Variants in EGFLAM observed in about 807,000 individuals in gnomAD.
EGFLAM encodes the protein pikachurin.
In EGFLAM, 79 loss-of-function variants were observed where a neutral mutation model predicts 113.1. That is an observed-to-expected ratio of 0.70 (90% CI 0.58 to 0.84). The LOEUF (loss-of-function observed/expected upper bound fraction) is 0.84, where lower values mean the gene tolerates loss of function less well. EGFLAM is among the 40% of genes least tolerant of loss of function. The pLI, the probability that EGFLAM is intolerant of heterozygous loss-of-function variation, is 0.00. For synonymous variants in EGFLAM, 504 were observed against 487.6 expected (o/e 1.03, Z -0.44); for missense variants, 1,265 against 1,291.6 (o/e 0.98, Z 0.32).
chr5:38,427,673 A>C (rs1439836053), intron 14 of EGFLAM, among the ~76,000 whole-genome samples: 1 of 152,232 alleles, frequency 6.6e-6, no homozygotes, highest in Non-Finnish European at 1.5e-5. Flanking sequence ...AGTATTAACA[A>C]ATATTTTTGA....
intron 1 of EGFLAM, among the ~76,000 whole-genome samples, chr5:38,331,965 T>C (rs1461124751): frequency 6.6e-6 from 1 of 152,186 alleles, no homozygotes; most frequent in Non-Finnish European, 1.5e-5. Flanking sequence ...ATGCCAGTGG[T>C]ATGATGAGCA....
chr5:38,403,852 A>G, intron 6 of EGFLAM: 1 of 1,613,916 alleles, frequency 6.2e-7, no homozygotes, highest in Non-Finnish European at 8.5e-7. Flanking sequence ...TGGCACACAG[A>G]TACGCTGCAT....
intron 5 of EGFLAM, among the ~76,000 whole-genome samples, chr5:38,359,924 G>T (rs1739875978): frequency 6.6e-6 from 1 of 152,034 alleles, no homozygotes; most frequent in African/African-American, 2.4e-5. Flanking sequence ...CTTCACACGG[G>T]GCTGCTTCTA....
rs1157466025 is a variant in EGFLAM at position 38,448,557 on chromosome 5, TA to T, written c.2543+182del. On this transcript the variant is annotated intron_variant, in intron 18 of 21. Transcript: ENST00000322350. The stretch of plus-strand genomic sequence containing the variant: ...AATAAACATAGAAACTAGAGCAAAA[TA>T]AAACAAAAAACAAACTAAACTTGAG... 7.0e-5 allele frequency: 45 copies of T among 645,274 alleles called. No homozygotes were observed. The East Asian group carries it at 1.2e-3, about 18-fold the overall frequency. 40.0% of individuals were successfully genotyped at this position (645,274 alleles called of 1,614,324 possible).
chr5:38,438,289 C>A lies in EGFLAM; in HGVS notation c.2298C>A (p.Asp766Glu). The A allele has an allele frequency of 1.2e-6, 2 of 1,613,110 alleles. No homozygotes were observed. The highest frequency in any genetic ancestry group is 2.2e-5 in the South Asian group (2 of 90,806). ...TCTCTCTCAAGATCATCCTGAATGA[C>A]CGAACCATCCATGTGAAGCATGACT... The part of the protein sequence containing the change: ...SGSIQKIILN[D>E]RTIHVKHDFT... Residue 766 changes from aspartate (D) to glutamate (E), a missense_variant, in exon 17 of 22, where the codon GAC becomes GAA. Physicochemically the swap from Asp to Glu is conservative, Grantham distance 45 (BLOSUM62 2). Coordinates refer to ENST00000322350, the MANE Select transcript of EGFLAM (RefSeq NM_152403.4).
chr5:38,268,036 T>C (rs1205965176), intron 1 of EGFLAM, among the ~76,000 whole-genome samples: 1 of 152,186 alleles, frequency 6.6e-6, no homozygotes, highest in African/African-American at 2.4e-5. Flanking sequence ...GCTCCATTCA[T>C]TTCTGTGTTT....
intron 6 of EGFLAM, among the ~76,000 whole-genome samples, chr5:38,389,501 A>G (rs1391394853): frequency 2.0e-5 from 3 of 152,112 alleles, no homozygotes; most frequent in Non-Finnish European, 4.4e-5. Context: ...TTATTTGCCT[A>G]ATTGCTTGTC....
intron 1 of EGFLAM, among the ~76,000 whole-genome samples, chr5:38,264,249 C>T (rs1434060608): frequency 5.3e-5 from 8 of 152,112 alleles, no homozygotes; most frequent in Admixed American, 4.6e-4. Flanking sequence ...CAGGGTCAGT[C>T]GAAGAAGGTC....
rs1205257431 is a variant in EGFLAM at position 38,409,058 on chromosome 5, G to A, written c.1303G>A (p.Gly435Arg). The A allele has an allele frequency of 6.3e-7, 1 of 1,595,270 alleles. No homozygotes were observed. Among genetic ancestry groups the A allele is most frequent in the East Asian group, 2.3e-5 (1 of 44,200 alleles). Residue 435 changes from glycine to arginine, a missense_variant, in exon 10 of 22, where the codon GGG becomes AGG. Physicochemically the swap from Gly to Arg is moderately radical, Grantham distance 125. Transcript: ENST00000322350. ...LYCGENEHGRGDFMSLAIIRR... is the reference protein window; with the variant it reads ...LYCGENEHGRRDFMSLAIIRR... ...CTGTGGGGAGAACGAACACGGGAGG[G>A]GGGATTTCATGTCCCTGGCTATCAT...
chr5:38,444,652 A>T (rs577307762), intron 17 of EGFLAM, among the ~76,000 whole-genome samples: 1 of 152,296 alleles, frequency 6.6e-6, no homozygotes, highest in South Asian at 2.1e-4. Flanking sequence ...AGGTTAAAAT[A>T]TAATCATGTT....
chr5:38,367,036 T>C (rs1472422613), intron 5 of EGFLAM, among the ~76,000 whole-genome samples: 1 of 152,104 alleles, frequency 6.6e-6, no homozygotes, highest in East Asian at 1.9e-4. Flanking sequence ...CCAGCAACCT[T>C]CCAAAGCTGA....
chr5:38,383,036 C>T (rs1740555471), intron 6 of EGFLAM, among the ~76,000 whole-genome samples: 1 of 152,220 alleles, frequency 6.6e-6, no homozygotes, highest in South Asian at 2.1e-4. Flanking sequence ...CCCACACTTA[C>T]AGAGCCGGAC....
At chr5:38,375,440 C>T (rs1441887736) in intron 6 of EGFLAM, among the ~76,000 whole-genome samples, 2 of 152,180 alleles carry the variant, frequency 1.3e-5, no homozygotes, top group Non-Finnish European at 2.9e-5. Context: ...GCCACCTTCA[C>T]AACACAATGT....
At chr5:38,268,747 A>T (rs569161387) in intron 1 of EGFLAM, among the ~76,000 whole-genome samples, 1 of 152,334 alleles carries the variant, frequency 6.6e-6, no homozygotes, top group Admixed American at 6.5e-5. Context: ...CACAATTTTA[A>T]AAAGGAATCT....
At position 38,463,831 on chromosome 5, in the gene EGFLAM, G is replaced by A; in HGVS notation, c.2876-1G>A. On this transcript the variant is annotated splice_acceptor_variant, in intron 21 of 21. Transcript: ENST00000322350. LOFTEE classifies it high-confidence loss of function. ...CTCATCTCCCTCTTGCTTCCTGGCA[G>A]GTGGAATGAAGGAAATTGCTCTGCA... 1.2e-6 allele frequency: 2 copies of A among 1,612,530 alleles called. No individual in the cohort carries two copies. The highest frequency in any genetic ancestry group is 2.2e-5 in the South Asian group (2 of 90,998).
chr5:38,356,511 T>A (rs940537371), intron 5 of EGFLAM, among the ~76,000 whole-genome samples: 2 of 152,188 alleles, frequency 1.3e-5, no homozygotes, highest in African/African-American at 4.8e-5. Flanking sequence ...AAATGACTGG[T>A]TGGGGACAGA....
At chr5:38,430,087 C>T (rs1055662223) in intron 14 of EGFLAM, 23 of 229,826 alleles carry the variant, frequency 1.0e-4, no homozygotes, top group African/African-American at 3.9e-4. Flanking sequence ...ATGTTCTTCA[C>T]GATGACAGCT....
In EGFLAM at chr5:38,413,828, G is replaced by A. The variant is rs181503871; in HGVS notation, c.1494+1180G>A. Among the ~76,000 whole-genome samples, 418 of 152,306 alleles carry A rather than the reference G, an allele frequency of 2.7e-3. 1 individual carries two copies. Among genetic ancestry groups the A allele is most frequent in the African/African-American group, 9.6e-3 (398 of 41,554 alleles). On this transcript the variant is annotated intron_variant, in intron 11 of 21. Transcript: ENST00000322350. ...CAATTTTTCCACGGACCAAAGTTGG[G>A]GGATGGTTTCGGGATAAACTGTTCC...
chr5:38,444,520 C>T (rs1742645570), intron 17 of EGFLAM, among the ~76,000 whole-genome samples: 1 of 152,088 alleles, frequency 6.6e-6, no homozygotes, highest in South Asian at 2.1e-4. Flanking sequence ...TGCTAATTAC[C>T]CTGATCTGAT....
Sources: gnomAD v4.1 joint callset for allele counts (sites outside exome capture counted in the v4.1 genomes callset) on GRCh38, gnomAD v4.1.1 for gene constraint, MANE v1.5 for transcripts, NCBI Gene and HGNC (gene_info 2026-07-23, HGNC 2026-07-21) for gene names.